PRKCQ: variants seen among roughly 807,000 people sequenced by gnomAD.
PRKCQ encodes protein kinase C theta type.
In PRKCQ, 41 loss-of-function variants were observed where a neutral mutation model predicts 91.2. That is an observed-to-expected ratio of 0.45 (90% confidence interval 0.35 to 0.58). The LOEUF (loss-of-function observed/expected upper bound fraction) is 0.58. Among genes scored for constraint, PRKCQ ranks in the 20% least tolerant of loss-of-function variants. The pLI is 0.00. For synonymous variants in PRKCQ, 307 were observed against 316.9 expected (o/e 0.97, Z 0.33); for missense variants, 673 against 896.5 (o/e 0.75, Z 3.18).
At chr10:6,495,901 G>T (rs1036722764) in intron 7 of PRKCQ, among the ~76,000 whole-genome samples, 1 of 152,160 alleles carries the variant, frequency 6.6e-6, no homozygotes, top group African/African-American at 2.4e-5. Flanking sequence ...TCCCCACCAG[G>T]TAATATAGGC....
chr10:6,534,254 T>C (rs907713329), intron 1 of PRKCQ, among the ~76,000 whole-genome samples: 1 of 152,170 alleles, frequency 6.6e-6, no homozygotes, highest in Non-Finnish European at 1.5e-5. Flanking sequence ...ATCCCTTCTC[T>C]GTGATTCCAA....
chr10:6,471,392 A>G (rs1161588748), intron 12 of PRKCQ, among the ~76,000 whole-genome samples: 2 of 152,200 alleles, frequency 1.3e-5, no homozygotes, highest in Non-Finnish European at 2.9e-5. Context: ...GACAAGTAGG[A>G]TTTAGTGTAT....
chr10:6,464,660 C>A (rs1835544786), intron 12 of PRKCQ, among the ~76,000 whole-genome samples: 1 of 152,196 alleles, frequency 6.6e-6, no homozygotes, highest in Non-Finnish European at 1.5e-5. Flanking sequence ...GTTAGCCAGG[C>A]TGGTCTCCAA....
chr10:6,395,056 C>CTTTTTTT, the PRKCQ span, among the ~76,000 whole-genome samples: 11 of 66,988 alleles, frequency 1.6e-4, no homozygotes, highest in South Asian at 6.8e-4. Context: ...AAGCTGGAGT[C>CTTTTTTT]TTTTTTTTTT....
At chr10:6,498,746 C>G (rs768476391) in intron 4 of PRKCQ, among the ~76,000 whole-genome samples, 188 bp from the exon 5 acceptor site, 1 of 152,168 alleles carries the variant, frequency 6.6e-6, no homozygotes, top group Non-Finnish European at 1.5e-5. Context: ...TTCTACAACA[C>G]AGATTCATCA....
At chr10:6,546,583 T>C (rs1839961011) in intron 1 of PRKCQ, among the ~76,000 whole-genome samples, 1 of 152,210 alleles carries the variant, frequency 6.6e-6, no homozygotes, top group South Asian at 2.1e-4. Context: ...ATTGATTTCG[T>C]ATCCTGAGAC....
chr10:6,463,183 G>T (rs1205245924), intron 13 of PRKCQ, among the ~76,000 whole-genome samples: 1 of 152,176 alleles, frequency 6.6e-6, no homozygotes, highest in Non-Finnish European at 1.5e-5. Flanking sequence ...TGGAAAAGAG[G>T]ATATTAGCAG....
chr10:6,454,397 G>C (rs550143263), intron 15 of PRKCQ, among the ~76,000 whole-genome samples: 1 of 152,098 alleles, frequency 6.6e-6, no homozygotes, highest in Non-Finnish European at 1.5e-5. Context: ...AGATCTGGGC[G>C]GAGCTGGATC....
chr10:6,475,657 C>T (rs56269853), intron 12 of PRKCQ, among the ~76,000 whole-genome samples: 36,091 of 152,134 alleles, frequency 0.24, 4,812 homozygotes, highest in Middle Eastern at 0.32. Context: ...TCTACACTAG[C>T]ATACACAGGT....
At chr10:6,546,546 G>A (rs1839959353) in intron 1 of PRKCQ, among the ~76,000 whole-genome samples, 1 of 152,190 alleles carries the variant, frequency 6.6e-6, no homozygotes, top group South Asian at 2.1e-4. Context: ...TGGTATTGGT[G>A]TATAAGAATG....
At chr10:6,424,487 GGAAAGGACAGA>G (rs1833072256), downstream of PRKCQ, among the ~76,000 whole-genome samples, 1 of 152,080 alleles carries the variant, frequency 6.6e-6, no homozygotes, top group South Asian at 2.1e-4. Flanking sequence ...CCCGAAGTTG[GGAAAGGACAGA>G]GAAAGGAGAG....
At chr10:6,547,078 A>G (rs1055333171) in intron 1 of PRKCQ, among the ~76,000 whole-genome samples, 25 of 152,154 alleles carry the variant, frequency 1.6e-4, no homozygotes, top group Non-Finnish European at 2.9e-4. Flanking sequence ...CCCAGGGATG[A>G]AGCCCACTTG....
chr10:6,423,352 A>T (rs1833048615), downstream of PRKCQ, among the ~76,000 whole-genome samples: 1 of 152,088 alleles, frequency 6.6e-6, no homozygotes. Flanking sequence ...TGGGTTCCGG[A>T]CTTATTTAGG....
In PRKCQ at chr10:6,427,425, T is replaced by C. The variant is rs1386762523; in HGVS notation, c.*782A>G. On this transcript the variant is annotated 3_prime_UTR_variant, in exon 18 of 18. Coordinates refer to ENST00000263125, the MANE Select transcript of PRKCQ (RefSeq NM_006257.5). The stretch of plus-strand genomic sequence containing the variant: ...CACTTCATTTCTTTTCTTGTTATAG[T>C]GTGAGAATGGCAGTGAGTGACTGTG... 1 of 152,238 alleles carries C rather than the reference T, an allele frequency of 6.6e-6. No homozygotes were observed. Among genetic ancestry groups the C allele is most frequent in the Non-Finnish European group, 1.5e-5 (1 of 68,052 alleles). The allele number at this position is 152,238 out of a possible 1,614,324, so 9.4% of individuals were successfully genotyped here. A position where few individuals can be genotyped will look rare whatever the true frequency, so the allele number is the denominator to read the frequency against.
Position 6,498,408 on chromosome 10 carries a change from T to C in PRKCQ, c.530A>G (p.His177Arg), listed in dbSNP as rs1405801380. ...CAAGTTACTGTACCAGACAAACTCGTGGCAGACAGAGCAAAATGTGGGCTG... is the reference window on the plus strand; with the variant it reads ...CAAGTTACTGTACCAGACAAACTCGCGGCAGACAGAGCAAAATGTGGGCTG... ...FPQPTFCSVC[H>R]EFVWGLNKQG... The change falls in exon 5 of 18, where the codon CAC becomes CGC. Residue 177 changes from histidine to arginine, a missense_variant. Physicochemically the swap from His to Arg is conservative, Grantham distance 29 (BLOSUM62 0). Coordinates refer to ENST00000263125, the MANE Select transcript of PRKCQ (RefSeq NM_006257.5). 1.2e-6 allele frequency: 2 copies of C among 1,614,132 alleles called. No individual in the cohort carries two copies. Among genetic ancestry groups the C allele is most frequent in the South Asian group, 2.2e-5 (2 of 91,086 alleles).
chr10:6,462,147 C>T (rs1267132234), intron 14 of PRKCQ, among the ~76,000 whole-genome samples, 156 bp downstream of exon 14: 1 of 152,204 alleles, frequency 6.6e-6, no homozygotes, highest in Admixed American at 6.5e-5. Context: ...GGTTGTAAGT[C>T]ATCATCCATG....
Position 6,441,802 on chromosome 10 carries a change from C to T in PRKCQ, c.1836+91G>A, listed in dbSNP as rs561103779. 4.7e-5 allele frequency: 62 copies of T among 1,312,478 alleles called. No homozygotes were observed. The African/African-American group carries it at 8.3e-4, about 18-fold the overall frequency. 81.3% of individuals were successfully genotyped at this position (1,312,478 alleles called of 1,614,324 possible). A position where few individuals can be genotyped will look rare whatever the true frequency, so the allele number is the denominator to read the frequency against. ...CCAGTTCAATAATAATCATTGTTTG[C>T]CACATGCAAGTTGGAAACTAAGAGG... On this transcript the variant is annotated intron_variant, in intron 16 of 17. Coordinates refer to ENST00000263125, the MANE Select transcript of PRKCQ (RefSeq NM_006257.5).
At chr10:6,479,208 T>G (rs1251847760) in intron 11 of PRKCQ, 43 bp from the exon 12 acceptor site, 1 of 1,597,762 alleles carries the variant, frequency 6.3e-7, no homozygotes, top group African/African-American at 1.3e-5. Context: ...AGAATTTGGA[T>G]TCCCATTTCT....
the PRKCQ span, among the ~76,000 whole-genome samples, chr10:6,404,891 T>TTCTC: frequency 8.2e-6 from 1 of 122,222 alleles, no homozygotes; most frequent in Non-Finnish European, 1.8e-5. Flanking sequence ...TTTTCTTTCT[T>TTCTC]TCTCTCTCTC....
Sources: gnomAD v4.1 joint callset for allele counts (sites outside exome capture counted in the v4.1 genomes callset) on GRCh38, gnomAD v4.1.1 for gene constraint, MANE v1.5 for transcripts, NCBI Gene and HGNC (gene_info 2026-07-23, HGNC 2026-07-21) for gene names.